Variants in EPB41L4A observed in about 807,000 individuals in gnomAD.
EPB41L4A encodes the protein band 4.1-like protein 4A.
In EPB41L4A, 100 loss-of-function variants were observed where a neutral mutation model predicts 108.6. The observed-to-expected ratio is 0.92, with a 90% CI of 0.78 to 1.09. The LOEUF (loss-of-function observed/expected upper bound fraction) is 1.09. Among genes scored for constraint, EPB41L4A ranks in the 50% least tolerant of loss-of-function variants. The pLI is 0.00. For synonymous variants in EPB41L4A, 319 were observed against 289.0 expected (o/e 1.10, Z -1.05); for missense variants, 1,030 against 842.7 (o/e 1.22, Z -2.75).
chr5:112,178,972 T>A (rs963775378), intron 18 of EPB41L4A, among the ~76,000 whole-genome samples: 5 of 149,240 alleles, frequency 3.4e-5, no homozygotes, highest in African/African-American at 7.4e-5. Context: ...AAAAATAAAT[T>A]AAAAAAAAAT....
chr5:112,159,788 G>C (rs1759783383), downstream of EPB41L4A, among the ~76,000 whole-genome samples: 1 of 151,970 alleles, frequency 6.6e-6, no homozygotes, highest in Non-Finnish European at 1.5e-5. Flanking sequence ...GGATTTTTAT[G>C]ACTTAGTAGA....
chr5:112,323,589 A>T (rs892857724), intron 1 of EPB41L4A, among the ~76,000 whole-genome samples: 2 of 152,108 alleles, frequency 1.3e-5, no homozygotes, highest in Non-Finnish European at 2.9e-5. Flanking sequence ...CACAAATCTT[A>T]TTTTATCAAA....
At chr5:112,337,151 G>A (rs1756970038) in intron 1 of EPB41L4A, among the ~76,000 whole-genome samples, 1 of 152,012 alleles carries the variant, frequency 6.6e-6, no homozygotes, top group Admixed American at 6.6e-5. Flanking sequence ...ATGTGTACTG[G>A]GGCTCTTCAA....
chr5:112,271,776 G>A (rs1334721718), intron 4 of EPB41L4A, among the ~76,000 whole-genome samples: 1 of 152,190 alleles, frequency 6.6e-6, no homozygotes, highest in South Asian at 2.1e-4. Context: ...ATTCTGCATA[G>A]ACCATCAGGG....
Position 112,205,499 on chromosome 5 carries a change from T to C in EPB41L4A, c.1184A>G (p.Lys395Arg), listed in dbSNP as rs112097937. 1.2e-6 allele frequency: 2 copies of C among 1,601,964 alleles called. No homozygotes were observed. Among genetic ancestry groups the C allele is most frequent in the South Asian group, 2.3e-5 (2 of 88,274 alleles). Residue 395 changes from lysine (K) to arginine (R), a missense_variant, in exon 14 of 23, where the codon AAG becomes AGG. Physicochemically the swap from Lys to Arg is conservative, Grantham distance 26. Transcript: ENST00000261486. ...IIAPSPVKSF[K>R]KAKNENSPDT... ...AGGGCTATTTTCATTCTTTGCTTTC[T>C]TAAAGCTTTAATTTTAAAAAAAAGT...
intron 4 of EPB41L4A, among the ~76,000 whole-genome samples, chr5:112,274,990 A>G (rs1752524040): frequency 6.6e-6 from 1 of 152,266 alleles, no homozygotes; most frequent in African/African-American, 2.4e-5. Context: ...CAAACTGAAC[A>G]TCAAAATATC....
At chr5:112,251,925 G>C (rs914325084) in intron 9 of EPB41L4A, among the ~76,000 whole-genome samples, 7 of 152,276 alleles carry the variant, frequency 4.6e-5, no homozygotes, top group South Asian at 4.1e-4. Context: ...TTGACTCTTA[G>C]GCCCTCTGTC....
intron 4 of EPB41L4A, among the ~76,000 whole-genome samples, chr5:112,268,981 A>G (rs895955452): frequency 3.9e-5 from 6 of 152,086 alleles, no homozygotes; most frequent in African/African-American, 1.4e-4. Context: ...AAAAATATGT[A>G]TTAGAAAACA....
chr5:112,407,141 T>C (rs1762121804), intron 1 of EPB41L4A, among the ~76,000 whole-genome samples: 1 of 152,116 alleles, frequency 6.6e-6, no homozygotes, highest in Non-Finnish European at 1.5e-5. Context: ...TGAAAGATTT[T>C]GTGAAGCTAC....
intron 1 of EPB41L4A, among the ~76,000 whole-genome samples, chr5:112,405,461 A>C (rs1304195198): frequency 2.0e-5 from 3 of 152,226 alleles, no homozygotes; most frequent in Admixed American, 2.0e-4. Context: ...CCACATAGCA[A>C]TAGATAATGC....
At chr5:112,390,215 C>T (rs1260044986) in intron 1 of EPB41L4A, among the ~76,000 whole-genome samples, 1 of 152,294 alleles carries the variant, frequency 6.6e-6, no homozygotes, top group South Asian at 2.1e-4. Context: ...GTGCAGCCCA[C>T]AGAGGGTGAG....
chr5:112,235,237 T>G (rs1471655545), intron 11 of EPB41L4A, among the ~76,000 whole-genome samples: 3 of 152,180 alleles, frequency 2.0e-5, no homozygotes, highest in African/African-American at 7.2e-5. Context: ...CCACCCTGCC[T>G]GGGCCAGATC....
chr5:112,339,490 A>ATCTATATCTATATATCTATATC (rs34857865), intron 1 of EPB41L4A, among the ~76,000 whole-genome samples: 1 of 119,788 alleles, frequency 8.3e-6, no homozygotes, highest in Non-Finnish European at 1.6e-5. Context: ...ATATATATAT[A>ATCTATATCTATATATCTATATC]TATATCTATA....
Position 112,162,809 on chromosome 5 carries a change from T to TA in EPB41L4A, c.*2180dup, listed in dbSNP as rs1364761007. On this transcript the variant is annotated 3_prime_UTR_variant, in exon 23 of 23. Coordinates refer to ENST00000261486, the MANE Select transcript of EPB41L4A (RefSeq NM_022140.5). Reference sequence around the variant, plus strand: ...GGGAAACCTGAGAAAGAGTTGAGACTAAAGGTATGTGTCATATTTTTCACA... The same window carrying TA: ...GGGAAACCTGAGAAAGAGTTGAGACTAAAAGGTATGTGTCATATTTTTCACA... 3.9e-5 allele frequency: 6 copies of TA among 152,224 alleles called. No homozygotes were observed. The highest frequency in any genetic ancestry group is 1.4e-4 in the African/African-American group (6 of 41,466). 9.4% of individuals were successfully genotyped at this position (152,224 alleles called of 1,614,324 possible).
intron 1 of EPB41L4A, among the ~76,000 whole-genome samples, chr5:112,319,990 G>A (rs781438706): frequency 4.6e-5 from 7 of 152,314 alleles, no homozygotes; most frequent in Non-Finnish European, 7.3e-5. Flanking sequence ...GTGGTAAAAC[G>A]TAAGCAACTG....
chr5:112,225,064 T>C (rs534971056), intron 12 of EPB41L4A, among the ~76,000 whole-genome samples: 215 of 152,344 alleles, frequency 1.4e-3, no homozygotes, highest in African/African-American at 5.0e-3. Context: ...TACTGTCTTT[T>C]CCCAGTTTCT....
chr5:112,306,543 G>T (rs764601765), intron 2 of EPB41L4A, among the ~76,000 whole-genome samples: 8 of 152,144 alleles, frequency 5.3e-5, no homozygotes, highest in Non-Finnish European at 1.0e-4. Context: ...CCCAGTGGAG[G>T]ATGGGAGAAC....
At chr5:112,340,586 T>C (rs1319365921) in intron 1 of EPB41L4A, among the ~76,000 whole-genome samples, 1 of 152,196 alleles carries the variant, frequency 6.6e-6, no homozygotes. Context: ...AAAGACTAAA[T>C]AGCAATAAAA....
intron 11 of EPB41L4A, 135 bp downstream of exon 11, chr5:112,239,525 G>T: frequency 2.0e-6 from 1 of 498,164 alleles, no homozygotes; most frequent in South Asian, 4.2e-5. Context: ...TTAATAAACT[G>T]TTATGCTTAC....
Sources: gnomAD v4.1 joint callset for allele counts (sites outside exome capture counted in the v4.1 genomes callset) on GRCh38, gnomAD v4.1.1 for gene constraint, MANE v1.5 for transcripts, NCBI Gene and HGNC (gene_info 2026-07-23, HGNC 2026-07-21) for gene names.